The following ACVR2B variants were observed in gnomAD, a reference collection of about 807,000 sequenced individuals.
The protein encoded by ACVR2B is activin receptor type-2B.
In ACVR2B, 18 loss-of-function variants were observed where a neutral mutation model predicts 65.1. That is an observed-to-expected ratio of 0.28 (90% CI 0.19 to 0.41). The LOEUF is 0.41. ACVR2B is among the 10% of genes least tolerant of loss of function. The pLI, the probability that ACVR2B is intolerant of heterozygous loss-of-function variation, is 1.00. For synonymous variants in ACVR2B, 298 were observed against 277.7 expected, an observed-to-expected ratio of 1.07 and a Z score of -0.73; for missense variants, 482 against 682.7, an observed-to-expected ratio of 0.71 and a Z score of 3.28.
At chr3:38,462,352 T>G (rs557176066) in intron 1 of ACVR2B, among the ~76,000 whole-genome samples, 2 of 152,164 alleles carry the variant, frequency 1.3e-5, no homozygotes, top group African/African-American at 2.4e-5. Flanking sequence ...TTTCACAAAT[T>G]GAATACACTG....
chr3:38,457,558 G>T (rs1709570821), intron 1 of ACVR2B, among the ~76,000 whole-genome samples: 1 of 152,138 alleles, frequency 6.6e-6, no homozygotes, highest in Non-Finnish European at 1.5e-5. Flanking sequence ...AAGCCATTTG[G>T]CTCTTGCATT....
In ACVR2B at chr3:38,478,233, C is replaced by T; in HGVS notation, c.463C>T (p.Leu155=). ...PIGGLSLIVL[L]AFWMYRHRKP... ...CGGGGGCCTTTCCCTCATCGTCCTG[C>T]TGGCCTTTTGGATGTACCGGCATCG... is the stretch of plus-strand genomic sequence containing the variant. The change falls in exon 4 of 11, where the codon CTG becomes TTG. Residue 155 remains leucine (L), a synonymous_variant. Transcript: ENST00000352511. 1.2e-6 allele frequency: 2 copies of T among 1,614,130 alleles called. No homozygotes were observed. The highest frequency in any genetic ancestry group is 1.7e-6 in the Non-Finnish European group (2 of 1,180,016).
chr3:38,475,893 A>T (rs1007617474), intron 1 of ACVR2B: 2 of 152,584 alleles, frequency 1.3e-5, no homozygotes, highest in Admixed American at 1.3e-4. Context: ...CCTTCCTGGG[A>T]TGGGAATAGT....
intron 1 of ACVR2B, among the ~76,000 whole-genome samples, chr3:38,469,692 G>T (rs968902238): frequency 8.5e-5 from 13 of 152,180 alleles, no homozygotes; most frequent in Admixed American, 3.3e-4. Flanking sequence ...ACCTTTGAAA[G>T]GTTGCCCCTT....
chr3:38,459,529 G>A (rs947855564), intron 1 of ACVR2B: 2 of 962,024 alleles, frequency 2.1e-6, no homozygotes, highest in East Asian at 1.1e-4. Context: ...GCTAAGGCTA[G>A]CCCTGTCTGC....
In ACVR2B at chr3:38,482,685, T is replaced by G. The variant is rs56370654; in HGVS notation, c.1344+125T>G. ...AAAGTCTGCGACGTTCCCTGGACTCTAGGGATGTGTTCCAGGGGTTATGGG... is the reference window on the plus strand; with the variant it reads ...AAAGTCTGCGACGTTCCCTGGACTCGAGGGATGTGTTCCAGGGGTTATGGG... On this transcript the variant is annotated intron_variant, in intron 10 of 10. Transcript: ENST00000352511. 2.4e-3 allele frequency: 3,203 copies of G among 1,355,098 alleles called. 4 individuals carry two copies. The highest frequency in any genetic ancestry group is 2.8e-3 in the Non-Finnish European group (2,729 of 984,942). 83.9% of individuals were successfully genotyped at this position (1,355,098 alleles called of 1,614,324 possible).
In ACVR2B at chr3:38,492,582, T is replaced by C. The variant is rs1347669615; in HGVS notation, c.*9250T>C. 1 of 152,054 alleles carries C rather than the reference T, an allele frequency of 6.6e-6. No homozygotes were observed. Among genetic ancestry groups the C allele is most frequent in the Non-Finnish European group, 1.5e-5 (1 of 68,014 alleles). The allele number at this position is 152,054 out of a possible 1,614,324, so 9.4% of individuals were successfully genotyped here. ...CCTTGTAGCTATAAAATAAAAATTT[T>C]GTAGAACAGAAATAGCTTGTACTAC... On this transcript the variant is annotated 3_prime_UTR_variant, in exon 11 of 11. Transcript: ENST00000352511.
At chr3:38,472,300 G>T (rs1351552334) in intron 1 of ACVR2B, among the ~76,000 whole-genome samples, 3 of 152,148 alleles carry the variant, frequency 2.0e-5, no homozygotes, top group Non-Finnish European at 4.4e-5. Flanking sequence ...GGAGGGACCT[G>T]CTAGGGCTAT....
chr3:38,455,577 C>T (rs980203374), intron 1 of ACVR2B, among the ~76,000 whole-genome samples: 1 of 152,078 alleles, frequency 6.6e-6, no homozygotes, highest in Non-Finnish European at 1.5e-5. Flanking sequence ...TCCTGTGCGT[C>T]GTCGTGAGGC....
chr3:38,471,014 T>C (rs7618413), intron 1 of ACVR2B, among the ~76,000 whole-genome samples: 2 of 152,134 alleles, frequency 1.3e-5, no homozygotes, highest in African/African-American at 4.8e-5. Flanking sequence ...TTAGATTGAA[T>C]TGGGGGGAGG....
rs1710054598 is a variant in ACVR2B, at chr3:38,483,369, C to T, written c.*37C>T. ...GAGTGTCTGTCCAGACTCAGTGGATCTGAAGAAAAAAGGAAAAAAAGTTGT... is the reference window on the plus strand; with the variant it reads ...GAGTGTCTGTCCAGACTCAGTGGATTTGAAGAAAAAAGGAAAAAAAGTTGT... On this transcript the variant is annotated 3_prime_UTR_variant, in exon 11 of 11. Transcript: ENST00000352511. This position sits in a 1 kb window ranked among gnomAD's most constrained non-coding sequence, Gnocchi z 4.8. The T allele has an allele frequency of 6.2e-7, 1 of 1,610,868 alleles. No individual in the cohort carries two copies. Among genetic ancestry groups the T allele is most frequent in the African/African-American group, 1.3e-5 (1 of 74,706 alleles).
chr3:38,464,599 G>T (rs1026430067), intron 1 of ACVR2B, among the ~76,000 whole-genome samples: 1 of 152,158 alleles, frequency 6.6e-6, no homozygotes, highest in African/African-American at 2.4e-5. Context: ...TTAGTCATAG[G>T]GGCAACTGAG....
In ACVR2B at chr3:38,482,872, C is replaced by T. The variant is rs503327; in HGVS notation, c.1345-266C>T. 0.069 allele frequency among the ~76,000 whole-genome samples: 10,478 copies of T among 152,212 alleles called. 445 individuals carry two copies. The highest frequency in any genetic ancestry group is 0.11 in the Non-Finnish European group (7,147 of 67,986). On this transcript the variant is annotated intron_variant, in intron 10 of 10. Transcript: ENST00000352511. ...CTAGTAGGGGCCTTGGTGTCTCCTT[C>T]TCCCTCCTGTGTATGTTGAGGTTCA...
At chr3:38,466,011 A>C (rs993220020) in intron 1 of ACVR2B, among the ~76,000 whole-genome samples, 13 of 152,258 alleles carry the variant, frequency 8.5e-5, no homozygotes, top group African/African-American at 3.1e-4. Context: ...TGATAGCTTT[A>C]AGTGCTGAAA....
Position 38,477,596 on chromosome 3 carries a change from C to G in ACVR2B, c.260+102C>G, listed in dbSNP as rs565714119. 6 of 1,347,678 alleles carry G rather than the reference C, an allele frequency of 4.5e-6. No homozygotes were observed. Among genetic ancestry groups the G allele is most frequent in the African/African-American group, 4.3e-5 (3 of 68,984 alleles). The allele number at this position is 1,347,678 out of a possible 1,614,324, so 83.5% of individuals were successfully genotyped here. A position where few individuals can be genotyped will look rare whatever the true frequency, so the allele number is the denominator to read the frequency against. On this transcript the variant is annotated intron_variant, in intron 2 of 10. Coordinates refer to ENST00000352511, the MANE Select transcript of ACVR2B (RefSeq NM_001106.4). This position sits in a 1 kb window ranked among gnomAD's most constrained non-coding sequence, Gnocchi z 6.7. ...GATGTCTGAGTGGGAGATAAAGGAC[C>G]AAGAAGGGGCTCTTGAGATGGTAGC...
chr3:38,481,484 C>T lies in ACVR2B; in HGVS notation c.1074+19C>T. Reference sequence around the variant, plus strand: ...CGGACAGGTAACAGGCCTCACAGGGCAGGAAGAGAGGGACAGACCCAGGGT... The same window carrying T: ...CGGACAGGTAACAGGCCTCACAGGGTAGGAAGAGAGGGACAGACCCAGGGT... On this transcript the variant is annotated intron_variant, in intron 8 of 10. Coordinates refer to ENST00000352511, the MANE Select transcript of ACVR2B (RefSeq NM_001106.4). The surrounding 1 kb of genome is among the most constrained non-coding windows in gnomAD (Gnocchi z 4.7). The T allele has an allele frequency of 6.2e-7, 1 of 1,601,652 alleles. No homozygotes were observed. Among genetic ancestry groups the T allele is most frequent in the Non-Finnish European group, 8.6e-7 (1 of 1,168,688 alleles).
At chr3:38,464,897 C>T (rs570204524) in intron 1 of ACVR2B, among the ~76,000 whole-genome samples, 1 of 152,110 alleles carries the variant, frequency 6.6e-6, no homozygotes, top group African/African-American at 2.4e-5. Flanking sequence ...ATCTCCAAAA[C>T]AGAAAATATA....
chr3:38,482,589 AG>A lies in ACVR2B; in HGVS notation c.1344+35del, dbSNP rs1170768778. The A allele has an allele frequency of 5.0e-6, 8 of 1,604,248 alleles. No individual in the cohort carries two copies. The African/African-American group carries it at 5.3e-5, about 11-fold the overall frequency. On this transcript the variant is annotated intron_variant, in intron 10 of 10. Transcript: ENST00000352511. ...AGGGGCCTGGTTCAGGCAACTTTGCAGGGGGGTGGAGAAGGGAAAACCCTTC... is the reference window on the plus strand; with the variant it reads ...AGGGGCCTGGTTCAGGCAACTTTGCAGGGGGTGGAGAAGGGAAAACCCTTC...
intron 1 of ACVR2B, among the ~76,000 whole-genome samples, chr3:38,466,248 A>G (rs1002536543): frequency 2.0e-5 from 3 of 152,166 alleles, no homozygotes; most frequent in African/African-American, 7.2e-5. Context: ...GGGTGGTCAA[A>G]GGGTACAAAA....
Sources: gnomAD v4.1 joint callset for allele counts (sites outside exome capture counted in the v4.1 genomes callset) on GRCh38, gnomAD v4.1.1 for gene constraint, Gnocchi (gnomAD v3.1) non-coding constraint, MANE v1.5 for transcripts, NCBI Gene and HGNC (gene_info 2026-07-23, HGNC 2026-07-21) for gene names.